PIGN: variants seen among roughly 807,000 people sequenced by gnomAD.
The protein encoded by PIGN is GPI ethanolamine phosphate transferase 1.
In PIGN, 117 loss-of-function variants were observed where a neutral mutation model predicts 125.4. The observed-to-expected ratio is 0.93, with a 90% CI of 0.80 to 1.09. The LOEUF is 1.09. Among genes scored for constraint, PIGN ranks in the 50% least tolerant of loss-of-function variants. The pLI is 0.00. For synonymous variants in PIGN, 392 were observed against 377.8 expected (o/e 1.04, Z -0.44); for missense variants, 1,075 against 1,094.9 (o/e 0.98, Z 0.26).
chr18:62,180,576 A>G (rs62096123), intron 1 of PIGN, among the ~76,000 whole-genome samples: 26,082 of 152,074 alleles, frequency 0.17, 2,809 homozygotes, highest in Middle Eastern at 0.29. Flanking sequence ...TTGAATATGT[A>G]TTTGCCTGAT....
rs1251827296 is a variant in PIGN, at chr18:62,101,090, T to G, written c.2062A>C (p.Ser688Arg). The change falls in exon 22 of 31, where the codon AGC becomes CGC. Residue 688 changes from serine (S) to arginine (R), a missense_variant. Ser to Arg is a moderately radical substitution (Grantham distance 110, BLOSUM62 -1). Transcript: ENST00000640252. Reference protein sequence around the residue: ...QGLPLMNQIISWATLASSLVV... With the variant: ...QGLPLMNQIIRWATLASSLVV... ...GGCCTCTTACCTAATGTTGCCCAGCTAATAATTTGATTCATGAGAGGCAGT... is the reference window on the plus strand; with the variant it reads ...GGCCTCTTACCTAATGTTGCCCAGCGAATAATTTGATTCATGAGAGGCAGT... 6.2e-7 allele frequency: 1 copy of G among 1,601,332 alleles called. No individual in the cohort carries two copies. The highest frequency in any genetic ancestry group is 8.6e-7 in the Non-Finnish European group (1 of 1,168,656).
intron 2 of PIGN, among the ~76,000 whole-genome samples, chr18:62,163,190 T>C (rs1465024261): frequency 1.3e-5 from 2 of 152,144 alleles, no homozygotes; most frequent in Non-Finnish European, 2.9e-5. Context: ...TCTTCATGAC[T>C]TGCTCTTTTG....
downstream of PIGN, among the ~76,000 whole-genome samples, chr18:62,036,226 C>A (rs951656364): frequency 1.3e-5 from 2 of 150,984 alleles, no homozygotes; most frequent in Non-Finnish European, 3.0e-5. Context: ...CTTTTTTTTT[C>A]TTTTTAATTG....
At chr18:62,098,470 G>A (rs185012202) in intron 22 of PIGN, among the ~76,000 whole-genome samples, 109 of 152,272 alleles carry the variant, frequency 7.2e-4, no homozygotes, top group African/African-American at 2.5e-3. Context: ...CAGTTCAAAT[G>A]AGACCTCTTC....
intron 7 of PIGN, among the ~76,000 whole-genome samples, chr18:62,153,229 A>G (rs1287878195): frequency 1.3e-5 from 2 of 152,188 alleles, no homozygotes; most frequent in African/African-American, 4.8e-5. Context: ...CCCAGCACAG[A>G]TTAGAATTTT....
intron 14 of PIGN, among the ~76,000 whole-genome samples, chr18:62,130,076 T>C (rs774241978): frequency 1.3e-5 from 2 of 152,152 alleles, no homozygotes; most frequent in African/African-American, 4.8e-5. Context: ...CGAGGATTGC[T>C]TGCAGCCCCC....
chr18:62,143,495 G>A (rs887647710), intron 10 of PIGN, 149 bp from the exon 11 acceptor site: 2 of 529,648 alleles, frequency 3.8e-6, no homozygotes, highest in Admixed American at 3.8e-5. Flanking sequence ...CATGCTTAAA[G>A]GCAAAGGTGT....
intron 23 of PIGN, among the ~76,000 whole-genome samples, chr18:62,026,921 G>C (rs555292640): frequency 6.6e-6 from 1 of 152,312 alleles, no homozygotes; most frequent in Admixed American, 6.5e-5. Context: ...CTGACGGGGG[G>C]CCAAGGCGCG....
chr18:62,150,545 T>C (rs1051875286), intron 7 of PIGN, among the ~76,000 whole-genome samples: 2 of 152,148 alleles, frequency 1.3e-5, no homozygotes, highest in Non-Finnish European at 2.9e-5. Flanking sequence ...TTTGAGGCCA[T>C]TATACTAAGT....
chr18:62,183,331 C>A (rs752012934), intron 1 of PIGN, among the ~76,000 whole-genome samples: 17 of 152,084 alleles, frequency 1.1e-4, no homozygotes, highest in Non-Finnish European at 2.4e-4. Flanking sequence ...CTAACAAGGT[C>A]TTTTATAGAC....
intron 14 of PIGN, chr18:62,135,619 C>CTTTTTTTTTTT: frequency 1.5e-5 from 1 of 68,696 alleles, no homozygotes; most frequent in Non-Finnish European, 2.6e-5. Flanking sequence ...TTTTCTTTGT[C>CTTTTTTTTTTT]TTTTTTTTTT....
At chr18:62,183,224 T>TGTTA (rs10675654) in intron 1 of PIGN, among the ~76,000 whole-genome samples, 87,986 of 151,432 alleles carry the variant, frequency 0.58, 26,335 homozygotes, top group East Asian at 0.78. Context: ...TAAAATCGTA[T>TGTTA]ATTAAAAAAT....
At chr18:62,125,201 T>C (rs1883519665) in intron 14 of PIGN, among the ~76,000 whole-genome samples, 1 of 151,068 alleles carries the variant, frequency 6.6e-6, no homozygotes, top group Non-Finnish European at 1.5e-5. Context: ...TGTACATATG[T>C]GTATATAAAT....
intron 30 of PIGN, chr18:62,052,030 C>T (rs1027425552): frequency 3.3e-5 from 5 of 152,150 alleles, no homozygotes; most frequent in Non-Finnish European, 7.3e-5. Context: ...GTTTCTTAAT[C>T]CTGAGTTCTA....
intron 22 of PIGN, among the ~76,000 whole-genome samples, chr18:62,100,523 C>T (rs1312236982): frequency 6.6e-6 from 1 of 152,220 alleles, no homozygotes; most frequent in Non-Finnish European, 1.5e-5. Flanking sequence ...TCAAAACTTG[C>T]TCTTGTCTTC....
chr18:62,074,130 C>T (rs1050578129), intron 29 of PIGN, among the ~76,000 whole-genome samples: 14 of 152,206 alleles, frequency 9.2e-5, no homozygotes, highest in Non-Finnish European at 1.9e-4. Context: ...CAGGGAGAAA[C>T]AGAAGCTTGG....
At chr18:62,041,055 G>C (rs1568106726), downstream of PIGN, 2 of 152,074 alleles carry the variant, frequency 1.3e-5, no homozygotes, top group South Asian at 4.2e-4. Flanking sequence ...CCAATTAAAG[G>C]AAATTTTGAT....
At chr18:62,017,878 C>T (rs55781024) in intron 23 of PIGN, 24,783 of 151,764 alleles carry the variant, frequency 0.16, 2,754 homozygotes, top group Middle Eastern at 0.26. Context: ...CCCCTAGCTG[C>T]GAGGGTTGAA....
intron 30 of PIGN, among the ~76,000 whole-genome samples, chr18:62,058,645 T>G: frequency 6.6e-6 from 1 of 152,274 alleles, no homozygotes; most frequent in Middle Eastern, 3.4e-3. Flanking sequence ...ACATGTTGAA[T>G]AGTGGTTCTC....
Sources: allele counts gnomAD v4.1 joint callset (sites outside exome capture counted in the v4.1 genomes callset), GRCh38; gene constraint gnomAD v4.1.1; transcripts MANE v1.5; gene names NCBI Gene and HGNC (gene_info 2026-07-23, HGNC 2026-07-21).